GABRG2: variants seen among roughly 807,000 people sequenced by gnomAD.
GABRG2 encodes gamma-aminobutyric acid type A receptor subunit gamma2.
Under a neutral mutation model 56.4 loss-of-function variants are expected in GABRG2, and 16 were observed. That is an observed-to-expected ratio of 0.28 (90% CI 0.19 to 0.43). GABRG2 has a LOEUF of 0.43. Ranked by LOEUF, GABRG2 falls within the 20% of genes least tolerant of loss-of-function variation. GABRG2 has a pLI of 1.00. For missense variants in GABRG2, 327 were observed against 582.7 expected, an observed-to-expected ratio of 0.56 and a Z score of 4.52; for synonymous variants, 208 against 205.5, an observed-to-expected ratio of 1.01 and a Z score of -0.10.
chr5:162,105,432 C>CTTTT (rs533258756), intron 6 of GABRG2, among the ~76,000 whole-genome samples: 1 of 104,114 alleles, frequency 9.6e-6, no homozygotes, highest in Non-Finnish European at 1.8e-5. Context: ...GTAGAACAAT[C>CTTTT]TTTTTTTTTT....
chr5:162,078,846 TTAAC>T (rs1218947808), intron 1 of GABRG2, among the ~76,000 whole-genome samples: 2 of 151,926 alleles, frequency 1.3e-5, no homozygotes, highest in East Asian at 3.9e-4. Flanking sequence ...GGAACGATAT[TTAAC>T]TAAGTGAATT....
intron 1 of GABRG2, among the ~76,000 whole-genome samples, chr5:162,071,255 C>T (rs1484705471): frequency 6.6e-6 from 1 of 150,420 alleles, no homozygotes; most frequent in Non-Finnish European, 1.5e-5. Flanking sequence ...AATTTTATTC[C>T]ATCTCAGAGT....
At chr5:162,073,439 AGAG>A (rs1168216442) in intron 1 of GABRG2, among the ~76,000 whole-genome samples, 1 of 151,964 alleles carries the variant, frequency 6.6e-6, no homozygotes, top group Admixed American at 6.6e-5. Context: ...CCATTTTTAA[AGAG>A]GAGATCTTGC....
intron 1 of GABRG2, among the ~76,000 whole-genome samples, chr5:162,091,298 A>T (rs1412377368): frequency 6.6e-6 from 1 of 151,826 alleles, no homozygotes; most frequent in Non-Finnish European, 1.5e-5. Context: ...AATATTTATA[A>T]TAATATTTGT....
At chr5:162,120,704 C>A (rs10072226) in intron 6 of GABRG2, among the ~76,000 whole-genome samples, 6,940 of 152,124 alleles carry the variant, frequency 0.046, 568 homozygotes, top group African/African-American at 0.16. Flanking sequence ...TGTTCAATTT[C>A]TCTGACCATA....
chr5:162,077,447 G>A (rs2113160533), intron 1 of GABRG2, among the ~76,000 whole-genome samples: 1 of 152,202 alleles, frequency 6.6e-6, no homozygotes, highest in South Asian at 2.1e-4. Context: ...AAACTGTCAT[G>A]AATGTTATTG....
intron 6 of GABRG2, among the ~76,000 whole-genome samples, chr5:162,138,291 G>T (rs1329211928): frequency 2.6e-5 from 4 of 151,968 alleles, no homozygotes; most frequent in Non-Finnish European, 5.9e-5. Flanking sequence ...TCTAATTTCA[G>T]AAAACAATTT....
chr5:162,096,001 G>C (rs1246901241), intron 3 of GABRG2, among the ~76,000 whole-genome samples: 1 of 151,932 alleles, frequency 6.6e-6, no homozygotes. Context: ...TACAAAACTA[G>C]ACTGGAGTCC....
chr5:162,097,630 TA>T lies in GABRG2; in HGVS notation c.328-4del. On this transcript the variant is annotated splice_region_variant and splice_polypyrimidine_tract_variant and intron_variant, in intron 3 of 9. Coordinates refer to ENST00000639213, the MANE Select transcript of GABRG2 (RefSeq NM_198904.4). ...ACAAATTTTCTGTTTATCATTTTAT[TA>T]AAACAGGAATACACTATTGATATAT... 1 of 1,587,638 alleles carries T rather than the reference TA, an allele frequency of 6.3e-7. No individual in the cohort carries two copies. The highest frequency in any genetic ancestry group is 1.3e-5 in the African/African-American group (1 of 74,436).
chr5:162,097,968 C>T, intron 4 of GABRG2, 110 bp downstream of exon 4: 1 of 949,072 alleles, frequency 1.1e-6, no homozygotes, highest in Non-Finnish European at 1.6e-6. Context: ...AATTTCAAGA[C>T]TGCATCAGGG....
Position 162,075,154 on chromosome 5 carries a change from A to G in GABRG2, c.107+7048A>G, listed in dbSNP as rs568498786. ...TTACTAATATTTTATAGAAAGTTCT[A>G]TTCCTTCTTAGCAGTGTACCACATC... On this transcript the variant is annotated intron_variant, in intron 1 of 9. Coordinates refer to ENST00000639213, the MANE Select transcript of GABRG2 (RefSeq NM_198904.4). Among the ~76,000 whole-genome samples the G allele has an allele frequency of 3.9e-5, 6 of 152,288 alleles. No individual in the cohort carries two copies. In the South Asian group the frequency reaches 1.2e-3, roughly 32 times the overall value.
Position 162,153,458 on chromosome 5 carries a change from G to C in GABRG2, c.*90G>C. 1.4e-6 allele frequency: 2 copies of C among 1,410,740 alleles called. No individual in the cohort carries two copies. The highest frequency in any genetic ancestry group is 2.0e-6 in the Non-Finnish European group (2 of 998,240). 87.4% of individuals were successfully genotyped at this position (1,410,740 alleles called of 1,614,324 possible). ...AGTCCACTTAAATAATCCTCTATGTGGTTGATAATGATCTGAATCTGTTTC... is the reference window on the plus strand; with the variant it reads ...AGTCCACTTAAATAATCCTCTATGTCGTTGATAATGATCTGAATCTGTTTC... On this transcript the variant is annotated 3_prime_UTR_variant, in exon 10 of 10. Coordinates refer to ENST00000639213, the MANE Select transcript of GABRG2 (RefSeq NM_198904.4).
At chr5:162,095,153 A>G (rs1760902571) in intron 2 of GABRG2, among the ~76,000 whole-genome samples, 1 of 152,170 alleles carries the variant, frequency 6.6e-6, no homozygotes, top group South Asian at 2.1e-4. Context: ...AGTCAATTTC[A>G]GAGCTTGAAG....
chr5:162,153,803 GA>G lies in GABRG2; in HGVS notation c.*440del, dbSNP rs1259414282. The G allele has an allele frequency of 5.5e-6, 1 of 181,862 alleles. No individual in the cohort carries two copies. The highest frequency in any genetic ancestry group is 1.4e-4 in the East Asian group (1 of 7,068). 11.3% of individuals were successfully genotyped at this position (181,862 alleles called of 1,614,324 possible). On this transcript the variant is annotated 3_prime_UTR_variant, in exon 10 of 10. Coordinates refer to ENST00000639213, the MANE Select transcript of GABRG2 (RefSeq NM_198904.4). ...CCAATAGAATACCTCCCTCATTTAA[GA>G]AAAATCATAACTCACTTTAAATATG...
chr5:162,151,556 T>C lies in GABRG2; in HGVS notation c.1129-174T>C, dbSNP rs552775204. 8.8e-6 allele frequency: 5 copies of C among 570,532 alleles called. No homozygotes were observed. In the East Asian group the frequency reaches 8.8e-5, roughly 10 times the overall value. 35.3% of individuals were successfully genotyped at this position (570,532 alleles called of 1,614,324 possible). ...AAAATTACACTTAACTTTAAGCAAA[T>C]ACTTTATCCCAAGCTCAGAACTCTC... On this transcript the variant is annotated intron_variant, in intron 8 of 9. Coordinates refer to ENST00000639213, the MANE Select transcript of GABRG2 (RefSeq NM_198904.4).
At position 162,095,316 on chromosome 5, in the gene GABRG2, GAT is replaced by G. The variant is rs141656919; in HGVS notation, c.260-176_260-175del. Among the ~76,000 whole-genome samples the G allele has an allele frequency of 2.8e-3, 431 of 152,202 alleles. 7 individuals carry two copies. Among genetic ancestry groups the G allele is most frequent in the African/African-American group, 1.0e-2 (415 of 41,560 alleles). ...TTGGTGCATGTGCATACTTAAGAAAGATATTTCTTTGAAAACAAAATAGTTAT... is the reference window on the plus strand; with the variant it reads ...TTGGTGCATGTGCATACTTAAGAAAGATTTCTTTGAAAACAAAATAGTTAT... On this transcript the variant is annotated intron_variant, in intron 2 of 9. Coordinates refer to ENST00000639213, the MANE Select transcript of GABRG2 (RefSeq NM_198904.4).
At chr5:162,076,821 T>A (rs1044291137) in intron 1 of GABRG2, among the ~76,000 whole-genome samples, 4 of 152,126 alleles carry the variant, frequency 2.6e-5, no homozygotes, top group Admixed American at 2.6e-4. Flanking sequence ...TTTTCATTTT[T>A]CTTTGTGCCT....
intron 6 of GABRG2, among the ~76,000 whole-genome samples, chr5:162,123,487 G>A (rs1763112398): frequency 6.6e-6 from 1 of 151,718 alleles, no homozygotes; most frequent in African/African-American, 2.4e-5. Context: ...AAATAATTAT[G>A]CATTCTCAAA....
In GABRG2 at chr5:162,153,163, G is replaced by C. The variant is rs1447813676; in HGVS notation, c.1223G>C (p.Arg408Thr). The C allele has an allele frequency of 1.2e-6, 2 of 1,614,078 alleles. No individual in the cohort carries two copies. Among genetic ancestry groups the C allele is most frequent in the Non-Finnish European group, 1.7e-6 (2 of 1,179,976 alleles). ...AATAATGCTACACACCTTCAAGAGA[G>C]AGATGAAGAGTACGGCTATGAGTGT... ...QMNNATHLQERDEEYGYECLD... is the reference protein window; with the variant it reads ...QMNNATHLQETDEEYGYECLD... The change falls in exon 10 of 10, where the codon AGA becomes ACA. Residue 408 changes from arginine to threonine, a missense_variant. Arg to Thr is a moderately conservative substitution (Grantham distance 71). Coordinates refer to ENST00000639213, the MANE Select transcript of GABRG2 (RefSeq NM_198904.4).
Sources: gnomAD v4.1 joint callset for allele counts (sites outside exome capture counted in the v4.1 genomes callset) on GRCh38, gnomAD v4.1.1 for gene constraint, MANE v1.5 for transcripts, NCBI Gene and HGNC (gene_info 2026-07-23, HGNC 2026-07-21) for gene names.